The following ZFYVE28 variants were observed in gnomAD, a reference collection of about 807,000 sequenced individuals.
ZFYVE28 encodes zinc finger FYVE-type containing 28.
A neutral mutation model predicts 82.1 loss-of-function variants in ZFYVE28; 40 were observed. The ratio of observed to expected loss-of-function variants is 0.49; its 90% CI spans 0.38 to 0.63. The LOEUF (loss-of-function observed/expected upper bound fraction) is 0.63, where lower values mean the gene tolerates loss of function less well. Among genes scored for constraint, ZFYVE28 ranks in the 30% least tolerant of loss-of-function variants. The probability of loss-of-function intolerance (pLI) is 0.00; values close to 1 mark genes in which losing one functional copy is unlikely to be tolerated. For missense variants in ZFYVE28, 1,321 were observed against 1,242.1 expected (o/e 1.06, Z -0.96); for synonymous variants, 612 against 546.1 (o/e 1.12, Z -1.68).
rs572983608 is a variant in ZFYVE28, at chr4:2,373,563, T to G, written c.40-19490A>C. ...AATGTAAAAGAAAAACAGTGTTTCC[T>G]GGAGCTGAAACACTGTCAACATCTT... is the stretch of plus-strand genomic sequence containing the variant. On this transcript the variant is annotated intron_variant, in intron 1 of 12. Transcript: ENST00000290974. Among the ~76,000 whole-genome samples, 7 of 152,318 alleles carry G rather than the reference T, an allele frequency of 4.6e-5. 1 individual carries two copies. In the South Asian group the frequency reaches 1.2e-3, roughly 27 times the overall value.
intron 1 of ZFYVE28, among the ~76,000 whole-genome samples, chr4:2,366,634 G>C (rs538062161): frequency 6.6e-6 from 1 of 152,386 alleles, no homozygotes; most frequent in South Asian, 2.1e-4. Flanking sequence ...CAATGGCAGA[G>C]GGTAGAGTTC....
intron 6 of ZFYVE28, chr4:2,329,157 G>T: frequency 1.4e-6 from 1 of 694,114 alleles, no homozygotes; most frequent in African/African-American, 1.7e-5. Flanking sequence ...AAAACAAAAA[G>T]GCCAATGGAG....
At chr4:2,297,674 T>G (rs1714806984) in intron 8 of ZFYVE28, among the ~76,000 whole-genome samples, 1 of 152,158 alleles carries the variant, frequency 6.6e-6, no homozygotes, top group South Asian at 2.1e-4. Context: ...AGGTGAGCAG[T>G]GACAGTGGGG....
In ZFYVE28 at chr4:2,271,368, C is replaced by T. The variant is rs757990231; in HGVS notation, c.2475G>A (p.Ala825=). 7.4e-6 allele frequency: 12 copies of T among 1,612,488 alleles called. No homozygotes were observed. Among genetic ancestry groups the T allele is most frequent in the East Asian group, 4.5e-5 (2 of 44,878 alleles). Residue 825 remains alanine (A), a synonymous_variant, in exon 12 of 13, where the codon GCG becomes GCA. Transcript: ENST00000290974. ...GGATGACGGTGAAGGGTGCTTTGCA[C>T]GCCGTGCAGAAGCCACAGGCCTCGT... ...VPDEACGFCT[A]CKAPFTVIRR...
At chr4:2,314,230 G>A (rs1315738893) in intron 7 of ZFYVE28, among the ~76,000 whole-genome samples, 1 of 152,108 alleles carries the variant, frequency 6.6e-6, no homozygotes, top group Non-Finnish European at 1.5e-5. Flanking sequence ...CTTTCTTTGG[G>A]TGGTGTCTGC....
At chr4:2,301,934 G>T (rs1192483260) in intron 8 of ZFYVE28, among the ~76,000 whole-genome samples, 1 of 152,198 alleles carries the variant, frequency 6.6e-6, no homozygotes, top group African/African-American at 2.4e-5. Flanking sequence ...ATCGTGGCAC[G>T]TCTGTGACAG....
chr4:2,345,795 G>C (rs1490744887), intron 2 of ZFYVE28, among the ~76,000 whole-genome samples: 1 of 151,562 alleles, frequency 6.6e-6, no homozygotes, highest in African/African-American at 2.4e-5. Context: ...AGTAGCACGA[G>C]AAAAAAGATG....
At chr4:2,277,202 G>A (rs945173977) in intron 8 of ZFYVE28, among the ~76,000 whole-genome samples, 2 of 152,220 alleles carry the variant, frequency 1.3e-5, no homozygotes, top group Non-Finnish European at 1.5e-5. Context: ...AGATCACGCC[G>A]GGCGTGGTGG....
At chr4:2,337,316 G>C (rs964600272) in intron 5 of ZFYVE28, 91 bp downstream of exon 5, 149 of 1,145,696 alleles carry the variant, frequency 1.3e-4, no homozygotes, top group Non-Finnish European at 1.0e-4. Context: ...GACACAGCAG[G>C]TTCCCCCAGA....
In ZFYVE28 at chr4:2,418,272, CG is replaced by C; in HGVS notation, c.39+12del. 1.3e-6 allele frequency: 2 copies of C among 1,534,514 alleles called. No homozygotes were observed. The highest frequency in any genetic ancestry group is 2.6e-5 in the East Asian group (1 of 38,572). ...CGACGCGGGGGGCGTCCGGCCCGAG[CG>C]GGGCCGCTCACCTTGGGTTTGTAGA... On this transcript the variant is annotated intron_variant, in intron 1 of 12. Coordinates refer to ENST00000290974, the MANE Select transcript of ZFYVE28 (RefSeq NM_020972.3). This position sits in a 1 kb window ranked among gnomAD's most constrained non-coding sequence, Gnocchi z 4.6.
At position 2,416,636 on chromosome 4, in the gene ZFYVE28, CGA is replaced by C. The variant is rs967356842; in HGVS notation, c.39+1647_39+1648del. On this transcript the variant is annotated intron_variant, in intron 1 of 12. Coordinates refer to ENST00000290974, the MANE Select transcript of ZFYVE28 (RefSeq NM_020972.3). This position sits in a 1 kb window ranked among gnomAD's most constrained non-coding sequence, Gnocchi z 4.6. Reference sequence around the variant, plus strand: ...GGCACATGGGGGCAGCAGGCAGGACCGAGAGGGGCTCGAAGGCGCCGCAGGAG... The same window carrying C: ...GGCACATGGGGGCAGCAGGCAGGACCGAGGGGCTCGAAGGCGCCGCAGGAG... Among the ~76,000 whole-genome samples the C allele has an allele frequency of 6.6e-6, 1 of 152,190 alleles. No individual in the cohort carries two copies. Among genetic ancestry groups the C allele is most frequent in the African/African-American group, 2.4e-5 (1 of 41,442 alleles).
At position 2,350,034 on chromosome 4, in the gene ZFYVE28, G is replaced by GACACACACACACACACACAC. The variant is rs71644325; in HGVS notation, c.180+3879_180+3898dup. ...AGCTAGTTCAATAGGGTGACACACA[G>GACACACACACACACACACAC]ACACACACACACACACACACACACA... On this transcript the variant is annotated intron_variant, in intron 2 of 12. Transcript: ENST00000290974. Among the ~76,000 whole-genome samples the GACACACACACACACACACAC allele has an allele frequency of 8.7e-5, 13 of 148,826 alleles. No individual in the cohort carries two copies. The East Asian group carries it at 1.2e-3, about 14-fold the overall frequency.
chr4:2,284,252 G>A (rs1410783197), intron 8 of ZFYVE28, among the ~76,000 whole-genome samples: 1 of 152,162 alleles, frequency 6.6e-6, no homozygotes, highest in African/African-American at 2.4e-5. Context: ...CCGTGATAAA[G>A]GCCGTGTCGC....
At chr4:2,284,606 C>T (rs1454225559) in intron 8 of ZFYVE28, among the ~76,000 whole-genome samples, 1 of 152,230 alleles carries the variant, frequency 6.6e-6, no homozygotes, top group Non-Finnish European at 1.5e-5. Flanking sequence ...GACAATCCCA[C>T]AGTCCTGGAC....
chr4:2,418,017 G>C lies in ZFYVE28; in HGVS notation c.39+268C>G, dbSNP rs959354329. ...GTTGTGGCCCTGGATAGAGGGGGAG[G>C]GAAAGTGCGCCCCGGCCCGAGAGGA... On this transcript the variant is annotated intron_variant, in intron 1 of 12. Transcript: ENST00000290974. This position sits in a 1 kb window ranked among gnomAD's most constrained non-coding sequence, Gnocchi z 4.6. 6.6e-6 allele frequency among the ~76,000 whole-genome samples: 1 copy of C among 151,996 alleles called. No homozygotes were observed. Among genetic ancestry groups the C allele is most frequent in the Non-Finnish European group, 1.5e-5 (1 of 67,966 alleles).
At chr4:2,391,984 A>G (rs1292763446) in intron 1 of ZFYVE28, among the ~76,000 whole-genome samples, 3 of 151,886 alleles carry the variant, frequency 2.0e-5, no homozygotes, top group Non-Finnish European at 4.4e-5. Flanking sequence ...GCAAAACCCC[A>G]CCACTACAAA....
At chr4:2,404,239 A>G (rs55774707) in intron 1 of ZFYVE28, among the ~76,000 whole-genome samples, 6,988 of 145,872 alleles carry the variant, frequency 0.048, 253 homozygotes, top group Non-Finnish European at 0.069. Flanking sequence ...GGAGAATGGC[A>G]TGAACCCGGG....
In ZFYVE28 at chr4:2,409,882, A is replaced by G. The variant is rs1732333605; in HGVS notation, c.39+8403T>C. On this transcript the variant is annotated intron_variant, in intron 1 of 12. Transcript: ENST00000290974. The surrounding 1 kb of genome is among the most constrained non-coding windows in gnomAD (Gnocchi z 4.4). ...AGGCTGGGCTGGGACTTGAGGATCC[A>G]TCTTCAGAGACCAGGAAGATGCCCC... Among the ~76,000 whole-genome samples, 1 of 152,228 alleles carries G rather than the reference A, an allele frequency of 6.6e-6. No individual in the cohort carries two copies. Among genetic ancestry groups the G allele is most frequent in the Non-Finnish European group, 1.5e-5 (1 of 68,038 alleles).
chr4:2,321,907 G>C (rs1036121366), intron 6 of ZFYVE28, among the ~76,000 whole-genome samples: 1 of 152,152 alleles, frequency 6.6e-6, no homozygotes, highest in Non-Finnish European at 1.5e-5. Flanking sequence ...GGGGGGACAA[G>C]GCCCACCCAT....
Sources: allele counts gnomAD v4.1 joint callset (sites outside exome capture counted in the v4.1 genomes callset), GRCh38; gene constraint gnomAD v4.1.1; non-coding constraint Gnocchi (gnomAD v3.1); transcripts MANE v1.5; gene names NCBI Gene and HGNC (gene_info 2026-07-23, HGNC 2026-07-21).